TMCO5A: variants seen among roughly 807,000 people sequenced by gnomAD.
TMCO5A encodes transmembrane and coiled-coil domain-containing protein 5A.
In TMCO5A, 34 loss-of-function variants were observed where a neutral mutation model predicts 42.3. The ratio of observed to expected loss-of-function variants is 0.80; its 90% CI spans 0.61 to 1.07. The LOEUF (loss-of-function observed/expected upper bound fraction) is 1.07, where lower values mean the gene tolerates loss of function less well. Ranked by LOEUF, TMCO5A falls within the 50% of genes least tolerant of loss-of-function variation. TMCO5A has a pLI of 0.00. For synonymous variants in TMCO5A, 131 were observed against 115.6 expected (o/e 1.13, Z -0.86); for missense variants, 357 against 327.9 (o/e 1.09, Z -0.69).
chr15:38,040,277 A>G, the TMCO5A span: 11 of 152,328 alleles, frequency 7.2e-5, no homozygotes, highest in East Asian at 2.1e-3. Flanking sequence ...GGGGATACTT[A>G]AGGTCCATCC....
chr15:38,002,208 G>GT, the TMCO5A span, among the ~76,000 whole-genome samples: 421 of 145,064 alleles, frequency 2.9e-3, 2 homozygotes, highest in Middle Eastern at 0.011. Flanking sequence ...AGGATAAAAG[G>GT]TTTTTTTTTT....
At chr15:37,997,066 C>G in the TMCO5A span, among the ~76,000 whole-genome samples, 1 of 152,094 alleles carries the variant, frequency 6.6e-6, no homozygotes, top group Non-Finnish European at 1.5e-5. Flanking sequence ...AAGGGGGTGG[C>G]ACGTGAGGAG....
chr15:37,967,067 G>T (rs1018943551), exon 12 of TMCO5A: 2 of 172,054 alleles, frequency 1.2e-5, no homozygotes, highest in Non-Finnish European at 2.5e-5. Flanking sequence ...AGATTAAGAC[G>T]GTGAAAGCTT....
chr15:37,965,943 C>A (rs1049183628), intron 11 of TMCO5A, among the ~76,000 whole-genome samples: 14 of 151,948 alleles, frequency 9.2e-5, no homozygotes, highest in African/African-American at 3.4e-4. Flanking sequence ...CATTGAAGAG[C>A]TATCTACACT....
At chr15:37,998,896 T>G in the TMCO5A span, among the ~76,000 whole-genome samples, 1 of 152,048 alleles carries the variant, frequency 6.6e-6, no homozygotes, top group African/African-American at 2.4e-5. Flanking sequence ...ATAGTTTTCT[T>G]TTTTTGTTGT....
chr15:37,964,043 C>G (rs1049622159), intron 11 of TMCO5A, among the ~76,000 whole-genome samples: 2 of 151,954 alleles, frequency 1.3e-5, no homozygotes, highest in Non-Finnish European at 2.9e-5. Flanking sequence ...TGCTGTTGAA[C>G]TAGTGTGATT....
downstream of TMCO5A, among the ~76,000 whole-genome samples, chr15:37,970,550 C>G (rs1017205490): frequency 3.3e-5 from 5 of 152,180 alleles, no homozygotes; most frequent in Non-Finnish European, 7.3e-5. Context: ...CTACAGTCCC[C>G]CAAAGTCTTA....
chr15:37,994,452 T>C, the TMCO5A span: 1 of 152,206 alleles, frequency 6.6e-6, no homozygotes, highest in Non-Finnish European at 1.5e-5. Context: ...CCCTCAGATA[T>C]GGATGTAAGG....
At chr15:37,956,240 A>C (rs1890286275), downstream of TMCO5A, among the ~76,000 whole-genome samples, 1 of 152,200 alleles carries the variant, frequency 6.6e-6, no homozygotes, top group African/African-American at 2.4e-5. Context: ...AGAAATAACT[A>C]AGAACAGAAC....
the TMCO5A span, among the ~76,000 whole-genome samples, chr15:37,997,426 ATTGTT>A: frequency 6.6e-6 from 1 of 152,096 alleles, no homozygotes; most frequent in Non-Finnish European, 1.5e-5. Flanking sequence ...CATAAGTTCA[ATTGTT>A]TTAATTTTTA....
At chr15:37,955,644 T>A (rs188270683), downstream of TMCO5A, among the ~76,000 whole-genome samples, 181 of 152,226 alleles carry the variant, frequency 1.2e-3, no homozygotes, top group African/African-American at 4.3e-3. Flanking sequence ...ACAATAATAG[T>A]GGAAGACTTT....
In TMCO5A at chr15:37,951,063, C is replaced by A. The variant is rs576332717; in HGVS notation, c.696C>A (p.Thr232=). ...TTTTTTGCTGTCTCTTTTTCATCACCCTATTTTTCATCAGACTGCTGAGCT... is the reference window on the plus strand; with the variant it reads ...TTTTTTGCTGTCTCTTTTTCATCACACTATTTTTCATCAGACTGCTGAGCT... The part of the protein sequence containing the change: ...KKIFCCLFFI[T]LFFIRLLSYM... Residue 232 remains threonine (T), a synonymous_variant, in exon 12 of 12, where the codon ACC becomes ACA. Transcript: ENST00000319669. 2.5e-6 allele frequency: 4 copies of A among 1,612,146 alleles called. No individual in the cohort carries two copies. Among genetic ancestry groups the A allele is most frequent in the Non-Finnish European group, 2.5e-6 (3 of 1,179,752 alleles).
the TMCO5A span, among the ~76,000 whole-genome samples, chr15:37,988,402 C>T: frequency 1.7e-3 from 256 of 152,044 alleles, no homozygotes; most frequent in African/African-American, 6.1e-3. Flanking sequence ...AAATGGCAAA[C>T]ATGGGCATCC....
chr15:38,000,862 A>T, the TMCO5A span, among the ~76,000 whole-genome samples: 16 of 152,108 alleles, frequency 1.1e-4, no homozygotes, highest in African/African-American at 3.6e-4. Flanking sequence ...TGGTCAGATA[A>T]GATACTTGAT....
intron 11 of TMCO5A, among the ~76,000 whole-genome samples, chr15:37,947,973 A>T (rs1164254023): frequency 6.6e-6 from 1 of 152,110 alleles, no homozygotes; most frequent in Non-Finnish European, 1.5e-5. Flanking sequence ...TGTAAAAGAG[A>T]TGTGGCAGAT....
At chr15:37,986,376 GGATGGTGTGTGT>G in the TMCO5A span, among the ~76,000 whole-genome samples, 1 of 128,764 alleles carries the variant, frequency 7.8e-6, no homozygotes, top group African/African-American at 3.3e-5. Flanking sequence ...GGGGGGTAAG[GGATGGTGTGTGT>G]GTGTGTGTGT....
the TMCO5A span, among the ~76,000 whole-genome samples, chr15:38,011,513 G>A: frequency 6.6e-6 from 1 of 152,162 alleles, no homozygotes; most frequent in African/African-American, 2.4e-5. Context: ...GAGTCACTAG[G>A]TCTAAGGACA....
intron 11 of TMCO5A, among the ~76,000 whole-genome samples, chr15:37,948,878 T>G (rs1230173372): frequency 6.6e-6 from 1 of 152,016 alleles, no homozygotes; most frequent in East Asian, 1.9e-4. Context: ...TGGGAAGATG[T>G]GTCAAGGGCT....
rs1047426257 is a variant in TMCO5A at position 37,966,869 on chromosome 15, A to C, written c.*226A>C. On this transcript the variant is annotated 3_prime_UTR_variant, in exon 12 of 12. Coordinates refer to the TMCO5A transcript ENST00000559502. ...ATGTTCAGCCCCTTACTAAGGATTA[A>C]GAGCAGTCAAAGAAGAAGAACAAAG... 5.1e-6 allele frequency: 3 copies of C among 585,132 alleles called. No homozygotes were observed. In the African/African-American group the frequency reaches 5.6e-5, roughly 11 times the overall value. The allele number at this position is 585,132 out of a possible 1,614,324, so 36.2% of individuals were successfully genotyped here. A position where few individuals can be genotyped will look rare whatever the true frequency, so the allele number is the denominator to read the frequency against.
Sources: allele counts gnomAD v4.1 joint callset (sites outside exome capture counted in the v4.1 genomes callset), GRCh38; gene constraint gnomAD v4.1.1; transcripts MANE v1.5; gene names NCBI Gene and HGNC (gene_info 2026-07-23, HGNC 2026-07-21).